The following WDR25 variants were observed in gnomAD, a reference collection of about 807,000 sequenced individuals.
The protein encoded by WDR25 is WD repeat domain 25.
WDR25 carries 35 observed loss-of-function variants against 47.7 expected under a neutral mutation model. That is an observed-to-expected ratio of 0.73 (90% CI 0.56 to 0.97). The LOEUF (loss-of-function observed/expected upper bound fraction) is 0.97, where lower values mean the gene tolerates loss of function less well. Among genes scored for constraint, WDR25 ranks in the 50% least tolerant of loss-of-function variants. The probability of loss-of-function intolerance (pLI) is 0.00; values close to 1 mark genes in which losing one functional copy is unlikely to be tolerated. For missense variants in WDR25, 634 were observed against 704.7 expected, an observed-to-expected ratio of 0.90 and a Z score of 1.14; for synonymous variants, 248 against 278.9, an observed-to-expected ratio of 0.89 and a Z score of 1.10.
At chr14:100,435,890 G>A (rs752561272) in intron 2 of WDR25, among the ~76,000 whole-genome samples, 1 of 152,202 alleles carries the variant, frequency 6.6e-6, no homozygotes, top group Non-Finnish European at 1.5e-5. Context: ...GGAGAAGAGT[G>A]ACGCCTAAGT....
At chr14:100,419,045 C>A (rs1566900934) in intron 2 of WDR25, among the ~76,000 whole-genome samples, 1 of 151,912 alleles carries the variant, frequency 6.6e-6, no homozygotes, top group South Asian at 2.1e-4. Context: ...ATGGGGAAAC[C>A]CCATCTCTAC....
At chr14:100,459,146 A>G (rs1235895890) in intron 2 of WDR25, among the ~76,000 whole-genome samples, 1 of 152,214 alleles carries the variant, frequency 6.6e-6, no homozygotes, top group Non-Finnish European at 1.5e-5. Context: ...ATGGGAGATA[A>G]CAGAGAAAAA....
At position 100,381,491 on chromosome 14, in the gene WDR25, G is replaced by A. The variant is rs756078138; in HGVS notation, c.567G>A (p.Thr189=). The A allele has an allele frequency of 1.1e-5, 17 of 1,614,206 alleles. No homozygotes were observed. Among genetic ancestry groups the A allele is most frequent in the South Asian group, 5.5e-5 (5 of 91,074 alleles). The change falls in exon 2 of 7, where the codon ACG becomes ACA. Residue 189 remains threonine, a synonymous_variant. Transcript: ENST00000402312. ...RRLRQRQALS[T]ETGKGKDVEP... ...TAAGACAGCGGCAGGCATTAAGCAC[G>A]GAGACAGGCAAGGGTAAAGACGTGG...
At chr14:100,509,105 A>C (rs541441348) in intron 4 of WDR25, among the ~76,000 whole-genome samples, 2 of 152,240 alleles carry the variant, frequency 1.3e-5, no homozygotes, top group African/African-American at 4.8e-5. Context: ...TGAACTGAGA[A>C]ATGTTCTCTA....
At chr14:100,463,286 C>T (rs986534671) in intron 2 of WDR25, among the ~76,000 whole-genome samples, 2 of 152,026 alleles carry the variant, frequency 1.3e-5, no homozygotes, top group African/African-American at 4.8e-5. Context: ...GTAACAGATA[C>T]CTATACACCT....
chr14:100,481,545 G>A (rs1408985885), intron 3 of WDR25, among the ~76,000 whole-genome samples: 1 of 151,324 alleles, frequency 6.6e-6, no homozygotes, highest in East Asian at 1.9e-4. Flanking sequence ...TGACTGTCTC[G>A]GGTGTCAGCT....
intron 4 of WDR25, among the ~76,000 whole-genome samples, chr14:100,486,438 C>T (rs549590910): frequency 2.6e-5 from 4 of 152,228 alleles, no homozygotes; most frequent in Admixed American, 1.3e-4. Context: ...GCTAAGGGAT[C>T]TGTGCAGTAT....
intron 3 of WDR25, among the ~76,000 whole-genome samples, chr14:100,480,063 C>G (rs947273141): frequency 6.6e-6 from 1 of 152,202 alleles, no homozygotes; most frequent in South Asian, 2.1e-4. Context: ...TATCAATTCC[C>G]ATTTTATACT....
chr14:100,509,388 G>T (rs952691932), intron 4 of WDR25, among the ~76,000 whole-genome samples: 1 of 151,842 alleles, frequency 6.6e-6, no homozygotes, highest in Non-Finnish European at 1.5e-5. Flanking sequence ...TTTTTTAATG[G>T]CTGGGGTGTC....
intron 2 of WDR25, among the ~76,000 whole-genome samples, chr14:100,456,711 CT>C (rs1270357200): frequency 6.6e-6 from 1 of 152,110 alleles, no homozygotes; most frequent in African/African-American, 2.4e-5. Context: ...GAACAAAAAG[CT>C]TGGGGGAAAA....
chr14:100,467,774 C>T (rs1899685168), intron 2 of WDR25, among the ~76,000 whole-genome samples: 1 of 152,098 alleles, frequency 6.6e-6, no homozygotes. Context: ...ATGTGAGCTG[C>T]CATACCCGTC....
At chr14:100,516,506 C>T (rs1370769024) in intron 4 of WDR25, among the ~76,000 whole-genome samples, 1 of 152,146 alleles carries the variant, frequency 6.6e-6, no homozygotes, top group Non-Finnish European at 1.5e-5. Flanking sequence ...TTTCTCCTTT[C>T]AATTCCATCA....
chr14:100,481,267 G>A (rs1164624155), intron 3 of WDR25: 1 of 733,606 alleles, frequency 1.4e-6, no homozygotes, highest in Non-Finnish European at 2.2e-6. Flanking sequence ...AAGAAACCAA[G>A]TCTGATAGAA....
chr14:100,391,340 G>A (rs1032888549), intron 2 of WDR25, among the ~76,000 whole-genome samples: 1 of 152,160 alleles, frequency 6.6e-6, no homozygotes, highest in East Asian at 1.9e-4. Context: ...GAATGTGTGC[G>A]TGGTGCCAGG....
intron 3 of WDR25, among the ~76,000 whole-genome samples, chr14:100,474,634 A>G (rs1162706392): frequency 2.0e-5 from 3 of 152,350 alleles, no homozygotes; most frequent in South Asian, 2.1e-4. Flanking sequence ...GCACTGGGAT[A>G]CACCTTGTTT....
chr14:100,528,995 G>T, intron 5 of WDR25, 73 bp from the exon 6 acceptor site: 1 of 1,478,988 alleles, frequency 6.8e-7, no homozygotes, highest in South Asian at 1.4e-5. Context: ...CTGGGAGCAG[G>T]CCCCAGGCCC....
At chr14:100,402,464 A>G (rs1043736137) in intron 2 of WDR25, among the ~76,000 whole-genome samples, 4 of 152,116 alleles carry the variant, frequency 2.6e-5, no homozygotes, top group East Asian at 1.9e-4. Flanking sequence ...GGTTATTGTC[A>G]TAGGCAGGAA....
At chr14:100,454,617 G>A in intron 2 of WDR25, 3 of 439,286 alleles carry the variant, frequency 6.8e-6, no homozygotes, top group South Asian at 3.4e-5. Flanking sequence ...AAATGGTACT[G>A]GATGAGTTTC....
chr14:100,453,807 T>C (rs557523295), intron 2 of WDR25, among the ~76,000 whole-genome samples: 1 of 152,364 alleles, frequency 6.6e-6, no homozygotes, highest in South Asian at 2.1e-4. Flanking sequence ...TATGTCTCGC[T>C]CTTAATCCTT....
Sources: allele counts gnomAD v4.1 joint callset (sites outside exome capture counted in the v4.1 genomes callset), GRCh38; gene constraint gnomAD v4.1.1; transcripts MANE v1.5; gene names NCBI Gene and HGNC (gene_info 2026-07-23, HGNC 2026-07-21).